The following SHC4 variants were observed in gnomAD, a reference collection of about 807,000 sequenced individuals.
The protein encoded by SHC4 is SHC adaptor protein 4.
SHC4 carries 41 observed loss-of-function variants against 69.4 expected under a neutral mutation model. That is an observed-to-expected ratio of 0.59 (90% CI 0.46 to 0.77). SHC4 has a LOEUF of 0.77. Ranked by LOEUF, SHC4 falls within the 30% of genes least tolerant of loss-of-function variation. The pLI is 0.00. For synonymous variants in SHC4, 318 were observed against 299.3 expected (o/e 1.06, Z -0.64); for missense variants, 777 against 783.8 (o/e 0.99, Z 0.10).
chr15:48,881,032 A>C (rs1398529398), intron 4 of SHC4, among the ~76,000 whole-genome samples: 1 of 150,120 alleles, frequency 6.7e-6, no homozygotes, highest in Non-Finnish European at 1.5e-5. Flanking sequence ...GTCTTCATTT[A>C]AGGAAGCTAG....
intron 1 of SHC4, among the ~76,000 whole-genome samples, chr15:48,957,393 CT>C (rs1901473817): frequency 1.3e-5 from 2 of 152,196 alleles, no homozygotes; most frequent in African/African-American, 2.4e-5. Flanking sequence ...ACTCCTAGAC[CT>C]GTATTCTCCT....
At chr15:48,882,338 T>C (rs921546212) in intron 4 of SHC4, among the ~76,000 whole-genome samples, 1 of 152,156 alleles carries the variant, frequency 6.6e-6, no homozygotes, top group Non-Finnish European at 1.5e-5. Context: ...ATCTTAACTT[T>C]GGTCCCCACT....
intron 3 of SHC4, among the ~76,000 whole-genome samples, chr15:48,886,272 ATT>A (rs1491485370): frequency 1.3e-5 from 2 of 151,950 alleles, no homozygotes; most frequent in Non-Finnish European, 2.9e-5. Flanking sequence ...ATATATATAT[ATT>A]ATTATGAAAT....
intron 9 of SHC4, among the ~76,000 whole-genome samples, chr15:48,850,396 A>G (rs889931168): frequency 2.6e-5 from 4 of 152,106 alleles, no homozygotes; most frequent in Non-Finnish European, 5.9e-5. Context: ...GTGTAATTCC[A>G]TAAGAAATAA....
At position 48,854,923 on chromosome 15, in the gene SHC4, T is replaced by C. The variant is rs939051319; in HGVS notation, c.1242+1030A>G. On this transcript the variant is annotated intron_variant, in intron 8 of 11. Transcript: ENST00000332408. ...TCTCAAACCTCAGCATCATGCGATA[T>C]GTTGATGTAACAAACCTGCACACAT... is the stretch of plus-strand genomic sequence containing the variant. 3.9e-5 allele frequency among the ~76,000 whole-genome samples: 6 copies of C among 152,202 alleles called. No homozygotes were observed. The East Asian group carries it at 1.2e-3, about 29-fold the overall frequency.
rs57562733 is a variant in SHC4 at position 48,907,462 on chromosome 15, C to T, written c.657-16651G>A. Among the ~76,000 whole-genome samples, 983 of 151,832 alleles carry T rather than the reference C, an allele frequency of 6.5e-3. 40 individuals carry two copies. In the East Asian group the frequency reaches 0.095, roughly 15 times the overall value. ...GGGGTACAGGTGGTATTTGGTTACA[C>T]GAGTAAGGTCTTTAGTGGTGGTTTG... is the stretch of plus-strand genomic sequence containing the variant. On this transcript the variant is annotated intron_variant, in intron 2 of 11. Coordinates refer to ENST00000332408, the MANE Select transcript of SHC4 (RefSeq NM_203349.4).
At chr15:48,906,351 T>TTAGA (rs1356575707) in intron 2 of SHC4, among the ~76,000 whole-genome samples, 1 of 152,214 alleles carries the variant, frequency 6.6e-6, no homozygotes, top group East Asian at 1.9e-4. Context: ...ATCTAATGTC[T>TTAGA]TCTTTTCCTT....
chr15:48,854,171 A>T (rs1595732890), intron 8 of SHC4, among the ~76,000 whole-genome samples: 1 of 152,370 alleles, frequency 6.6e-6, no homozygotes, highest in Admixed American at 6.5e-5. Flanking sequence ...ATGAACAGAC[A>T]TTTCTCAAAA....
At chr15:48,951,471 A>C (rs1033976514) in intron 1 of SHC4, among the ~76,000 whole-genome samples, 1 of 151,892 alleles carries the variant, frequency 6.6e-6, no homozygotes, top group South Asian at 2.1e-4. Context: ...TGCATTTGTC[A>C]TTCCCCCATT....
intron 1 of SHC4, among the ~76,000 whole-genome samples, chr15:48,955,023 C>T (rs1901421265): frequency 6.6e-6 from 1 of 152,182 alleles, no homozygotes; most frequent in Non-Finnish European, 1.5e-5. Flanking sequence ...TCCTAGAGTT[C>T]TACCACCCTT....
chr15:48,900,814 G>A (rs1310718448), intron 2 of SHC4, among the ~76,000 whole-genome samples: 1 of 152,128 alleles, frequency 6.6e-6, no homozygotes, highest in Admixed American at 6.6e-5. Context: ...TGAATTAATT[G>A]GTGCCGGACA....
In SHC4 at chr15:48,834,645, G is replaced by C. The variant is rs1898866247; in HGVS notation, c.1737+124C>G. On this transcript the variant is annotated intron_variant, in intron 11 of 11. Coordinates refer to ENST00000332408, the MANE Select transcript of SHC4 (RefSeq NM_203349.4). ...TAGTTAGCATGTCCTGCTCCAGCTG[G>C]AAGGTTCCAGAAAAAGCAAATACTT... 3.6e-6 allele frequency: 5 copies of C among 1,388,268 alleles called. No individual in the cohort carries two copies. The South Asian group carries it at 6.9e-5, about 19-fold the overall frequency. The allele number at this position is 1,388,268 out of a possible 1,614,324, so 86.0% of individuals were successfully genotyped here. A position where few individuals can be genotyped will look rare whatever the true frequency, so the allele number is the denominator to read the frequency against.
chr15:48,885,332 G>A (rs1400906539), intron 3 of SHC4, among the ~76,000 whole-genome samples: 1 of 152,064 alleles, frequency 6.6e-6, no homozygotes, highest in Non-Finnish European at 1.5e-5. Context: ...TAAAATGTGG[G>A]GGGAAAAACA....
chr15:48,897,022 G>A (rs1051512681), intron 2 of SHC4, among the ~76,000 whole-genome samples: 3 of 152,218 alleles, frequency 2.0e-5, no homozygotes, highest in Non-Finnish European at 4.4e-5. Flanking sequence ...GGGCTCAGGG[G>A]GTCCCCGCCA....
At chr15:48,955,407 C>T (rs1410412367) in intron 1 of SHC4, among the ~76,000 whole-genome samples, 3 of 152,094 alleles carry the variant, frequency 2.0e-5, no homozygotes, top group Non-Finnish European at 4.4e-5. Context: ...GGGGTCCAGG[C>T]TTGGTTCGGT....
At chr15:48,847,268 A>G (rs1274304334) in intron 9 of SHC4, among the ~76,000 whole-genome samples, 1 of 152,178 alleles carries the variant, frequency 6.6e-6, no homozygotes, top group Non-Finnish European at 1.5e-5. Context: ...CAGTATATAC[A>G]CTGTAAGTAA....
At chr15:48,960,119 G>T (rs1383415024) in intron 1 of SHC4, among the ~76,000 whole-genome samples, 4 of 152,214 alleles carry the variant, frequency 2.6e-5, no homozygotes, top group Non-Finnish European at 5.9e-5. Context: ...GGGTCGTGGG[G>T]TCAGCACTTT....
chr15:48,907,815 T>C (rs917092009), intron 2 of SHC4, among the ~76,000 whole-genome samples: 1 of 118,294 alleles, frequency 8.5e-6, no homozygotes, highest in Non-Finnish European at 1.6e-5. Context: ...TGAATGAATA[T>C]GTGTGTGTGT....
chr15:48,848,018 C>CA (rs954948526), intron 9 of SHC4, among the ~76,000 whole-genome samples: 25 of 136,598 alleles, frequency 1.8e-4, no homozygotes, highest in South Asian at 7.2e-4. Context: ...AAAAAAAAAA[C>CA]AAAAAAAACA....
Sources: allele counts gnomAD v4.1 joint callset (sites outside exome capture counted in the v4.1 genomes callset), GRCh38; gene constraint gnomAD v4.1.1; transcripts MANE v1.5; gene names NCBI Gene and HGNC (gene_info 2026-07-23, HGNC 2026-07-21).